The following THSD4 variants were observed in gnomAD, a reference collection of about 807,000 sequenced individuals.
THSD4 encodes thrombospondin type 1 domain containing 4.
A neutral mutation model predicts 119.0 loss-of-function variants in THSD4; 69 were observed. That is an observed-to-expected ratio of 0.58 (90% CI 0.48 to 0.71). The LOEUF (loss-of-function observed/expected upper bound fraction) is 0.71. Among genes scored for constraint, THSD4 ranks in the 30% least tolerant of loss-of-function variants. The pLI is 0.00. For missense variants in THSD4, 1,393 were observed against 1,391.1 expected, an observed-to-expected ratio of 1.00 and a Z score of -0.02; for synonymous variants, 524 against 540.4, an observed-to-expected ratio of 0.97 and a Z score of 0.42.
chr15:71,329,582 TC>T (rs1832955426), intron 6 of THSD4, among the ~76,000 whole-genome samples: 1 of 152,168 alleles, frequency 6.6e-6, no homozygotes, highest in East Asian at 1.9e-4. Context: ...GTCGATGTTG[TC>T]CCCTGTGAGA....
At chr15:71,432,760 C>T (rs1424175969) in intron 7 of THSD4, among the ~76,000 whole-genome samples, 4 of 151,658 alleles carry the variant, frequency 2.6e-5, no homozygotes, top group Non-Finnish European at 5.9e-5. Flanking sequence ...TATTCTTTTT[C>T]AACTTTTTAT....
At chr15:71,453,694 C>A (rs2047297931) in intron 7 of THSD4, among the ~76,000 whole-genome samples, 1 of 152,144 alleles carries the variant, frequency 6.6e-6, no homozygotes, top group Admixed American at 6.5e-5. Context: ...GGTATTGTAT[C>A]CAGACACTGA....
intron 7 of THSD4, chr15:71,660,308 CT>C: frequency 1.8e-6 from 1 of 565,856 alleles, no homozygotes; most frequent in Non-Finnish European, 3.1e-6. Flanking sequence ...CTTCCCTAGT[CT>C]TTTTCCCAGT....
rs560599136 is a variant in THSD4 at position 71,716,287 on chromosome 15, G to A, written c.1358-12262G>A. On this transcript the variant is annotated intron_variant, in intron 8 of 17. Transcript: ENST00000261862. The stretch of plus-strand genomic sequence containing the variant: ...TTTAGGGCCCACCCTAATGCAGCAT[G>A]AGCTCATCTAAATAACATCTTCAAA... Among the ~76,000 whole-genome samples the A allele has an allele frequency of 2.6e-5, 4 of 152,292 alleles. No individual in the cohort carries two copies. The East Asian group carries it at 7.7e-4, about 29-fold the overall frequency.
At chr15:71,514,994 A>G (rs1449051942) in intron 7 of THSD4, among the ~76,000 whole-genome samples, 1 of 152,242 alleles carries the variant, frequency 6.6e-6, no homozygotes, top group African/African-American at 2.4e-5. Flanking sequence ...AACATCTTGA[A>G]CATAACACAT....
intron 7 of THSD4, among the ~76,000 whole-genome samples, chr15:71,605,126 AAAC>A (rs2050084278): frequency 6.6e-6 from 1 of 152,280 alleles, no homozygotes; most frequent in Non-Finnish European, 1.5e-5. Flanking sequence ...CATGTTTAAG[AAAC>A]AACAAGGTGA....
chr15:71,395,718 G>A (rs570359360), intron 6 of THSD4, among the ~76,000 whole-genome samples: 169 of 152,064 alleles, frequency 1.1e-3, no homozygotes, highest in African/African-American at 3.7e-3. Context: ...CTTCAGCTTG[G>A]GCCACAGAAC....
intron 7 of THSD4, among the ~76,000 whole-genome samples, chr15:71,480,957 C>A (rs2047721834): frequency 6.6e-6 from 1 of 152,124 alleles, no homozygotes; most frequent in South Asian, 2.1e-4. Flanking sequence ...TTTATAGATT[C>A]ATAGAACTGA....
chr15:71,446,794 G>C (rs1302883891), intron 7 of THSD4, among the ~76,000 whole-genome samples: 2 of 152,134 alleles, frequency 1.3e-5, no homozygotes, highest in African/African-American at 4.8e-5. Flanking sequence ...GTCTGCCACA[G>C]ATCTGAGCAT....
At chr15:71,415,061 T>C (rs1235622364) in intron 7 of THSD4, among the ~76,000 whole-genome samples, 1 of 152,264 alleles carries the variant, frequency 6.6e-6, no homozygotes, top group Non-Finnish European at 1.5e-5. Context: ...CTTCTCTGAC[T>C]TGTGGCTGAG....
intron 6 of THSD4, among the ~76,000 whole-genome samples, chr15:71,309,719 C>T (rs543097881): frequency 6.6e-6 from 1 of 152,328 alleles, no homozygotes; most frequent in Non-Finnish European, 1.5e-5. Context: ...AGTTGTCCAA[C>T]CACAATTTGT....
In THSD4 at chr15:71,755,706, CAAAAAAAAAAAA is replaced by C. The variant is rs10555546; in HGVS notation, c.2416-2180_2416-2169del. ...CTCACCAAGCCTGCTTCAGCAAAGA[CAAAAAAAAAAAA>C]AAAAAAAAAAAAAAAGACAGGACAC... On this transcript the variant is annotated intron_variant, in intron 14 of 17. Coordinates refer to ENST00000261862, the MANE Select transcript of THSD4 (RefSeq NM_024817.3). Among the ~76,000 whole-genome samples, 202 of 50,324 alleles carry C rather than the reference CAAAAAAAAAAAA, an allele frequency of 4.0e-3. 1 individual carries two copies. The South Asian group carries it at 0.05, about 13-fold the overall frequency. The allele number at this position is 50,324 out of a possible 152,430, so 33.0% of individuals were successfully genotyped here. A position where few individuals can be genotyped will look rare whatever the true frequency, so the allele number is the denominator to read the frequency against.
At chr15:71,104,415 G>A (rs2040265630) in intron 1 of THSD4, among the ~76,000 whole-genome samples, 2 of 152,256 alleles carry the variant, frequency 1.3e-5, no homozygotes, top group South Asian at 2.1e-4. Context: ...CATGCCCTAC[G>A]ATTTAATTCG....
At chr15:71,181,090 C>G (rs969801318) in intron 3 of THSD4, among the ~76,000 whole-genome samples, 3 of 152,154 alleles carry the variant, frequency 2.0e-5, no homozygotes, top group Admixed American at 2.0e-4. Flanking sequence ...ACAGGGCGTG[C>G]ACTCATTTGA....
At chr15:71,485,841 A>T (rs956652192) in intron 7 of THSD4, among the ~76,000 whole-genome samples, 1 of 152,212 alleles carries the variant, frequency 6.6e-6, no homozygotes, top group Non-Finnish European at 1.5e-5. Flanking sequence ...TTGTGGTCAT[A>T]CTTAGTTATT....
chr15:71,376,383 T>A (rs150555337), intron 6 of THSD4, among the ~76,000 whole-genome samples: 132 of 152,284 alleles, frequency 8.7e-4, no homozygotes, highest in African/African-American at 3.1e-3. Flanking sequence ...TTACCATGAT[T>A]GAGTCTCCCA....
chr15:71,737,297 G>C (rs567168973), intron 10 of THSD4, among the ~76,000 whole-genome samples: 2 of 152,320 alleles, frequency 1.3e-5, no homozygotes, highest in African/African-American at 2.4e-5. Context: ...CTATTTGCAG[G>C]CTCATCCATA....
intron 7 of THSD4, chr15:71,547,911 C>CT (rs33983525): frequency 0.19 from 28,995 of 149,214 alleles, 3,119 homozygotes; most frequent in Admixed American, 0.28. Flanking sequence ...ACACTTCTCT[C>CT]TTTTTTTTTT....
At chr15:71,580,322 C>T (rs781050752) in intron 7 of THSD4, among the ~76,000 whole-genome samples, 2 of 152,014 alleles carry the variant, frequency 1.3e-5, no homozygotes, top group Non-Finnish European at 2.9e-5. Context: ...GCTCCAGAGT[C>T]TAAGCTTTTC....
Sources: allele counts gnomAD v4.1 joint callset (sites outside exome capture counted in the v4.1 genomes callset), GRCh38; gene constraint gnomAD v4.1.1; transcripts MANE v1.5; gene names NCBI Gene and HGNC (gene_info 2026-07-23, HGNC 2026-07-21).